The following RBMS3 variants were observed in gnomAD, a reference collection of about 807,000 sequenced individuals.
RBMS3 encodes the protein RNA-binding motif, single-stranded-interacting protein 3.
RBMS3 carries 27 observed loss-of-function variants against 66.8 expected under a neutral mutation model. The observed-to-expected ratio is 0.40, with a 90% confidence interval of 0.30 to 0.56. The LOEUF is 0.56. Ranked by LOEUF, RBMS3 falls within the 20% of genes least tolerant of loss-of-function variation. RBMS3 has a pLI of 0.40. For missense variants in RBMS3, 513 were observed against 549.5 expected, an observed-to-expected ratio of 0.93 and a Z score of 0.66; for synonymous variants, 188 against 183.0, an observed-to-expected ratio of 1.03 and a Z score of -0.22.
intron 1 of RBMS3, among the ~76,000 whole-genome samples, chr3:29,389,912 C>T (rs577694900): frequency 2.0e-5 from 3 of 152,044 alleles, no homozygotes; most frequent in Middle Eastern, 3.4e-3. Context: ...GGGAATGGGG[C>T]GGGGGCTCCT....
intron 2 of RBMS3, among the ~76,000 whole-genome samples, chr3:29,436,991 A>G (rs908337649): frequency 2.0e-5 from 3 of 152,260 alleles, no homozygotes; most frequent in Non-Finnish European, 4.4e-5. Flanking sequence ...CTTGAGGCAT[A>G]TCACTTCCTC....
intron 6 of RBMS3, chr3:29,766,093 T>C (rs1486884006): frequency 6.6e-6 from 1 of 151,990 alleles, no homozygotes; most frequent in Non-Finnish European, 1.5e-5. Flanking sequence ...GTTGCCTACA[T>C]TTAATATAAC....
chr3:29,677,268 T>C (rs562662289), intron 4 of RBMS3, among the ~76,000 whole-genome samples: 1 of 152,130 alleles, frequency 6.6e-6, no homozygotes, highest in African/African-American at 2.4e-5. Context: ...CCAAACCATA[T>C]CACTTGCTTT....
intron 13 of RBMS3, among the ~76,000 whole-genome samples, chr3:29,988,543 A>G (rs1326159127): frequency 6.6e-6 from 1 of 152,216 alleles, no homozygotes. Context: ...GTTTGCAACT[A>G]TGTGAATGAA....
intron 6 of RBMS3, among the ~76,000 whole-genome samples, chr3:29,811,423 C>T (rs906325449): frequency 2.6e-5 from 4 of 151,748 alleles, no homozygotes; most frequent in Non-Finnish European, 5.9e-5. Flanking sequence ...TTCTGTGATG[C>T]TCACTACATT....
intron 12 of RBMS3, among the ~76,000 whole-genome samples, chr3:29,947,962 G>C (rs2149710286): frequency 6.6e-6 from 1 of 151,060 alleles, no homozygotes; most frequent in East Asian, 2.0e-4. Flanking sequence ...ACCTAGGTTT[G>C]AAAAAAATTT....
At chr3:29,672,033 A>T (rs1427759109) in intron 4 of RBMS3, among the ~76,000 whole-genome samples, 1 of 152,218 alleles carries the variant, frequency 6.6e-6, no homozygotes, top group African/African-American at 2.4e-5. Flanking sequence ...GGGCAGCCAG[A>T]GAGAAAGGTC....
At chr3:29,301,103 A>C (rs1419958792) in intron 1 of RBMS3, among the ~76,000 whole-genome samples, 1 of 151,978 alleles carries the variant, frequency 6.6e-6, no homozygotes, top group Non-Finnish European at 1.5e-5. Context: ...AGGTATCCAG[A>C]TGAAGATGTG....
intron 4 of RBMS3, among the ~76,000 whole-genome samples, chr3:29,647,948 G>A (rs1195946846): frequency 1.3e-5 from 2 of 152,096 alleles, no homozygotes; most frequent in African/African-American, 4.8e-5. Flanking sequence ...TCATACAGAG[G>A]TGTTACTGTA....
intron 4 of RBMS3, among the ~76,000 whole-genome samples, chr3:29,640,221 T>A (rs1458751111): frequency 1.3e-5 from 2 of 150,838 alleles, no homozygotes; most frequent in African/African-American, 4.9e-5. Context: ...ATCTGGATAA[T>A]CTCATGCAGT....
At chr3:29,304,979 C>G (rs917101031) in intron 1 of RBMS3, among the ~76,000 whole-genome samples, 5 of 151,958 alleles carry the variant, frequency 3.3e-5, no homozygotes, top group Non-Finnish European at 7.4e-5. Flanking sequence ...CTCTTACCAA[C>G]TATCTTCTCT....
At chr3:29,614,562 T>C (rs904697521) in intron 4 of RBMS3, 31 of 152,010 alleles carry the variant, frequency 2.0e-4, no homozygotes, top group African/African-American at 7.2e-4. Flanking sequence ...GAAACAAAAA[T>C]AAAATAAAAA....
chr3:29,879,666 G>T (rs1352062987), intron 7 of RBMS3, among the ~76,000 whole-genome samples: 1 of 152,032 alleles, frequency 6.6e-6, no homozygotes, highest in Non-Finnish European at 1.5e-5. Context: ...AAGAAAAGGA[G>T]AAATATTAGG....
intron 5 of RBMS3, among the ~76,000 whole-genome samples, chr3:29,755,055 CT>C (rs1214631103): frequency 2.0e-5 from 3 of 152,108 alleles, no homozygotes; most frequent in Non-Finnish European, 4.4e-5. Flanking sequence ...TGAAATATGG[CT>C]GTAGCTAGGA....
chr3:29,314,575 G>C (rs1287418141), intron 1 of RBMS3, among the ~76,000 whole-genome samples: 3 of 151,552 alleles, frequency 2.0e-5, no homozygotes, highest in East Asian at 3.9e-4. Context: ...CCATGGCTCT[G>C]ACCCTGGTTT....
chr3:29,944,410 ATAAACT>A (rs1409491916), intron 12 of RBMS3, among the ~76,000 whole-genome samples, 156 bp downstream of exon 12: 4 of 151,718 alleles, frequency 2.6e-5, no homozygotes, highest in Non-Finnish European at 1.5e-5. Flanking sequence ...GTTCAGAAAC[ATAAACT>A]TAATATTATA....
intron 1 of RBMS3, among the ~76,000 whole-genome samples, chr3:29,352,128 T>C (rs1031547143): frequency 6.6e-5 from 10 of 152,228 alleles, no homozygotes; most frequent in African/African-American, 2.4e-4. Flanking sequence ...GTATTAAAAA[T>C]TATGATTTCA....
At chr3:29,514,470 A>G (rs1438524467) in intron 3 of RBMS3, among the ~76,000 whole-genome samples, 4 of 151,792 alleles carry the variant, frequency 2.6e-5, no homozygotes, top group Non-Finnish European at 4.4e-5. Context: ...GACATTTAGC[A>G]CTGAATGGGA....
intron 3 of RBMS3, among the ~76,000 whole-genome samples, chr3:29,564,679 T>A (rs182374224): frequency 1.2e-4 from 18 of 152,230 alleles, no homozygotes; most frequent in Middle Eastern, 3.4e-3. Flanking sequence ...ACACTGGAGT[T>A]TGGTTTTGTC....
Sources: allele counts gnomAD v4.1 joint callset (sites outside exome capture counted in the v4.1 genomes callset), GRCh38; gene constraint gnomAD v4.1.1; transcripts MANE v1.5; gene names NCBI Gene and HGNC (gene_info 2026-07-23, HGNC 2026-07-21).